SHANK2: variants seen among roughly 807,000 people sequenced by gnomAD.
SHANK2 encodes SH3 and multiple ankyrin repeat domains protein 2.
A neutral mutation model predicts 133.7 loss-of-function variants in SHANK2; 43 were observed. That is an observed-to-expected ratio of 0.32 (90% confidence interval 0.25 to 0.41). SHANK2 has a LOEUF of 0.41. Among genes scored for constraint, SHANK2 ranks in the 10% least tolerant of loss-of-function variants. The pLI, the probability that SHANK2 is intolerant of heterozygous loss-of-function variation, is 1.00. For missense variants in SHANK2, 1,994 were observed against 2,235.8 expected (o/e 0.89, Z 2.18); for synonymous variants, 1,017 against 952.8 (o/e 1.07, Z -1.24).
At chr11:70,822,438 A>T (rs1190814541) in intron 11 of SHANK2, among the ~76,000 whole-genome samples, 2 of 152,210 alleles carry the variant, frequency 1.3e-5, no homozygotes, top group African/African-American at 2.4e-5. Flanking sequence ...CTCAAGGGGG[A>T]TAGAGGTGGT....
chr11:70,609,130 C>A (rs1044724071), intron 17 of SHANK2, among the ~76,000 whole-genome samples: 3 of 152,348 alleles, frequency 2.0e-5, no homozygotes, highest in Non-Finnish European at 2.9e-5. Context: ...CACCGGGCGG[C>A]CCAGAGAGGG....
intron 2 of SHANK2, among the ~76,000 whole-genome samples, chr11:71,151,843 C>A (rs1368871461): frequency 6.6e-6 from 1 of 152,138 alleles, no homozygotes; most frequent in Non-Finnish European, 1.5e-5. Context: ...TAGGAAGCCC[C>A]CCCTCAGTGG....
intron 11 of SHANK2, among the ~76,000 whole-genome samples, chr11:70,821,611 G>A (rs1380324170): frequency 1.3e-5 from 2 of 152,140 alleles, no homozygotes; most frequent in African/African-American, 4.8e-5. Flanking sequence ...TTTTAGTAGA[G>A]ATGAGGTTTC....
At chr11:70,844,885 T>C (rs1322919217) in intron 11 of SHANK2, among the ~76,000 whole-genome samples, 3 of 152,070 alleles carry the variant, frequency 2.0e-5, no homozygotes, top group African/African-American at 7.2e-5. Flanking sequence ...ACCAAATCAC[T>C]GGGACCCAAT....
chr11:70,665,132 AC>A (rs1944655307), intron 15 of SHANK2, among the ~76,000 whole-genome samples: 1 of 152,070 alleles, frequency 6.6e-6, no homozygotes, highest in Admixed American at 6.6e-5. Flanking sequence ...TTCCTAATGC[AC>A]CCAAGAACTT....
At chr11:71,081,459 T>C (rs1951299400) in intron 8 of SHANK2, among the ~76,000 whole-genome samples, 1 of 152,176 alleles carries the variant, frequency 6.6e-6, no homozygotes, top group Non-Finnish European at 1.5e-5. Context: ...ACCTTCCCCA[T>C]GGAGCCCATC....
chr11:70,549,490 G>A (rs1174461798), intron 17 of SHANK2, among the ~76,000 whole-genome samples: 3 of 152,186 alleles, frequency 2.0e-5, no homozygotes, highest in Admixed American at 6.5e-5. Context: ...CGACTAGGAC[G>A]GCCTCATGAC....
rs1944556927 is a variant in SHANK2 at position 70,661,993 on chromosome 11, G to T, written c.1854-315C>A. On this transcript the variant is annotated intron_variant, in intron 15 of 25. Coordinates refer to ENST00000601538, the MANE Select transcript of SHANK2 (RefSeq NM_012309.5). ...ATGGCTGAGCTGGAGGCTCAAGGGGGGCTGGCCAGGACGCCGCCCAGGGCA... is the reference window on the plus strand; with the variant it reads ...ATGGCTGAGCTGGAGGCTCAAGGGGTGCTGGCCAGGACGCCGCCCAGGGCA... 5 of 609,304 alleles carry T rather than the reference G, an allele frequency of 8.2e-6. No individual in the cohort carries two copies. The East Asian group carries it at 1.5e-4, about 18-fold the overall frequency. 37.7% of individuals were successfully genotyped at this position (609,304 alleles called of 1,614,324 possible).
chr11:70,538,813 C>T (rs985433307), intron 17 of SHANK2, among the ~76,000 whole-genome samples: 17 of 152,308 alleles, frequency 1.1e-4, no homozygotes, highest in East Asian at 1.9e-4. Context: ...GCGGGAGGCA[C>T]GCACAGACGG....
At chr11:70,593,511 G>A (rs1554988587) in intron 17 of SHANK2, among the ~76,000 whole-genome samples, 2 of 152,140 alleles carry the variant, frequency 1.3e-5, no homozygotes, top group Middle Eastern at 3.2e-3. Context: ...GGGCATGGTG[G>A]CTACCTCGCC....
chr11:70,610,756 C>T (rs2060647509), intron 17 of SHANK2, among the ~76,000 whole-genome samples: 1 of 152,216 alleles, frequency 6.6e-6, no homozygotes, highest in Non-Finnish European at 1.5e-5. Flanking sequence ...GCAGGAAAAC[C>T]AGGCACCCCT....
intron 10 of SHANK2, among the ~76,000 whole-genome samples, chr11:70,926,814 G>T (rs574078909): frequency 1.3e-5 from 2 of 152,312 alleles, no homozygotes; most frequent in Non-Finnish European, 2.9e-5. Flanking sequence ...TTATATTTCA[G>T]TGTTACAAAT....
intron 14 of SHANK2, among the ~76,000 whole-genome samples, chr11:70,770,783 C>A (rs2921324): frequency 6.6e-6 from 1 of 152,180 alleles, no homozygotes; most frequent in African/African-American, 2.4e-5. Flanking sequence ...GGTTCCTGCT[C>A]TGGGATCAGT....
intron 3 of SHANK2, among the ~76,000 whole-genome samples, chr11:71,146,530 A>C (rs1555106722): frequency 6.6e-6 from 1 of 152,246 alleles, no homozygotes; most frequent in African/African-American, 2.4e-5. Flanking sequence ...TCCAGGACAC[A>C]GCCAGCGTGG....
chr11:70,703,511 T>C lies in SHANK2; in HGVS notation c.1778-4748A>G, dbSNP rs1035534518. On this transcript the variant is annotated intron_variant, in intron 14 of 25. Transcript: ENST00000601538. ...GTGTTACAGTGCACACCTCATGGCATGTCCAGGCTTGGCCCCCTGGGACTT... is the reference window on the plus strand; with the variant it reads ...GTGTTACAGTGCACACCTCATGGCACGTCCAGGCTTGGCCCCCTGGGACTT... Among the ~76,000 whole-genome samples the C allele has an allele frequency of 6.6e-5, 10 of 152,254 alleles. No homozygotes were observed. The South Asian group carries it at 8.3e-4, about 13-fold the overall frequency.
chr11:70,571,084 C>T (rs2060039722), intron 17 of SHANK2, among the ~76,000 whole-genome samples: 1 of 152,120 alleles, frequency 6.6e-6, no homozygotes, highest in Admixed American at 6.5e-5. Context: ...TAGGGAATGA[C>T]TCTCCCTGGC....
intron 2 of SHANK2, among the ~76,000 whole-genome samples, chr11:71,207,178 C>CTTT (rs56946028): frequency 7.8e-5 from 9 of 115,838 alleles, no homozygotes; most frequent in Non-Finnish European, 1.2e-4. Flanking sequence ...TTTAAAATTC[C>CTTT]TTTTTTTTTT....
At chr11:70,623,108 G>A (rs1313319767) in intron 17 of SHANK2, among the ~76,000 whole-genome samples, 2 of 152,146 alleles carry the variant, frequency 1.3e-5, no homozygotes, top group African/African-American at 2.4e-5. Context: ...CCCGGGAGGC[G>A]GAGTTTGCAG....
intron 17 of SHANK2, among the ~76,000 whole-genome samples, chr11:70,585,075 G>A (rs1467474399): frequency 6.6e-6 from 1 of 152,222 alleles, no homozygotes; most frequent in African/African-American, 2.4e-5. Flanking sequence ...GGGGCATGGT[G>A]AATACCGCCT....
Sources: gnomAD v4.1 joint callset for allele counts (sites outside exome capture counted in the v4.1 genomes callset) on GRCh38, gnomAD v4.1.1 for gene constraint, MANE v1.5 for transcripts, NCBI Gene and HGNC (gene_info 2026-07-23, HGNC 2026-07-21) for gene names.